Variants in TFB1M observed in about 807,000 individuals in gnomAD.
TFB1M encodes transcription factor B1, mitochondrial.
TFB1M carries 27 observed loss-of-function variants against 31.1 expected under a neutral mutation model. That is an observed-to-expected ratio of 0.87 (90% CI 0.64 to 1.20). TFB1M has a LOEUF of 1.20. TFB1M is among the 50% of genes most tolerant of loss of function. TFB1M has a pLI of 0.00. For missense variants in TFB1M, 394 were observed against 418.7 expected (o/e 0.94, Z 0.51); for synonymous variants, 166 against 151.8 (o/e 1.09, Z -0.69).
intron 5 of TFB1M, chr6:155,260,620 T>A (rs1784352564): frequency 3.2e-6 from 2 of 619,316 alleles, no homozygotes; most frequent in African/African-American, 1.8e-5. Flanking sequence ...TGTTCTCTAA[T>A]GACATCCACC....
In TFB1M at chr6:155,305,700, A is replaced by ATTAAATTATATATTTAT. The variant is rs1562426127; in HGVS notation, c.285+5487_285+5488insATAAATATATAATTTAA. Among the ~76,000 whole-genome samples the ATTAAATTATATATTTAT allele has an allele frequency of 1.5e-4, 7 of 47,080 alleles. 1 individual carries two copies. The highest frequency in any genetic ancestry group is 6.3e-4 in the African/African-American group (7 of 11,182). 30.9% of individuals were successfully genotyped at this position (47,080 alleles called of 152,430 possible). A position where few individuals can be genotyped will look rare whatever the true frequency, so the allele number is the denominator to read the frequency against. ...ATATTAAATTATATATTTATATATA[A>ATTAAATTATATATTTAT]ATATATATTAAATTATATATTTATA... On this transcript the variant is annotated intron_variant, in intron 2 of 6. Transcript: ENST00000367166.
chr6:155,293,116 G>A (rs537031713), intron 4 of TFB1M, among the ~76,000 whole-genome samples: 107 of 152,130 alleles, frequency 7.0e-4, no homozygotes, highest in African/African-American at 2.5e-3. Flanking sequence ...GAGATTACAG[G>A]TGTGAGCCAG....
chr6:155,258,086 AG>A lies in TFB1M; in HGVS notation c.795-5del. 2 of 1,614,156 alleles carry A rather than the reference AG, an allele frequency of 1.2e-6. No homozygotes were observed. The highest frequency in any genetic ancestry group is 1.7e-6 in the Non-Finnish European group (2 of 1,180,022). ...CTGCGCTTCAGGGAATAACATTCTG[AG>A]GGGAAGACAGACAGACAGAAAAATA... On this transcript the variant is annotated splice_region_variant and splice_polypyrimidine_tract_variant and intron_variant, in intron 6 of 6. Transcript: ENST00000367166.
At chr6:155,250,128 T>C in the TFB1M span, among the ~76,000 whole-genome samples, 2 of 152,172 alleles carry the variant, frequency 1.3e-5, no homozygotes, top group African/African-American at 4.8e-5. Flanking sequence ...AATTTACATA[T>C]AGACATATCA....
chr6:155,241,181 G>A, the TFB1M span, among the ~76,000 whole-genome samples: 3 of 152,224 alleles, frequency 2.0e-5, no homozygotes, highest in Admixed American at 1.3e-4. Context: ...TGGTCAGCAC[G>A]TGGGAATATC....
chr6:155,256,442 C>A lies in TFB1M; in HGVS notation c.*1394G>T. 6.2e-7 allele frequency: 1 copy of A among 1,613,198 alleles called. No homozygotes were observed. Among genetic ancestry groups the A allele is most frequent in the East Asian group, 2.2e-5 (1 of 44,886 alleles). ...GAGGCAAACATTACACATTGTGTAACCTGTTTCTGTATCACAGCGAAATGT... is the reference window on the plus strand; with the variant it reads ...GAGGCAAACATTACACATTGTGTAAACTGTTTCTGTATCACAGCGAAATGT... On this transcript the variant is annotated 3_prime_UTR_variant, in exon 7 of 7. Transcript: ENST00000367166.
chr6:155,239,989 CTG>C, the TFB1M span, among the ~76,000 whole-genome samples: 1 of 152,226 alleles, frequency 6.6e-6, no homozygotes. Flanking sequence ...TGCCACAAGA[CTG>C]TGGAGCTGAG....
chr6:155,260,140 C>T (rs1040280551), intron 6 of TFB1M, 133 bp downstream of exon 6: 35 of 1,068,938 alleles, frequency 3.3e-5, no homozygotes, highest in Non-Finnish European at 4.7e-5. Context: ...GCAGTGAAGT[C>T]TTGTCCGTCA....
At chr6:155,286,537 A>G (rs1029823057) in intron 4 of TFB1M, among the ~76,000 whole-genome samples, 4 of 142,350 alleles carry the variant, frequency 2.8e-5, no homozygotes, top group Non-Finnish European at 6.0e-5. Context: ...ATATATATAC[A>G]TGTGTATATA....
chr6:155,289,539 T>C (rs1776809026), intron 4 of TFB1M, among the ~76,000 whole-genome samples: 1 of 152,216 alleles, frequency 6.6e-6, no homozygotes. Flanking sequence ...TTAATGCATA[T>C]GAGCTGAATT....
chr6:155,286,588 T>C (rs1183350778), intron 4 of TFB1M, among the ~76,000 whole-genome samples: 2 of 146,038 alleles, frequency 1.4e-5, no homozygotes, highest in African/African-American at 2.5e-5. Context: ...TGTATATGTA[T>C]ATGTGTGTAT....
At chr6:155,283,078 T>C (rs2114733410) in intron 5 of TFB1M, among the ~76,000 whole-genome samples, 1 of 152,294 alleles carries the variant, frequency 6.6e-6, no homozygotes, top group African/African-American at 2.4e-5. Context: ...CAGCAAAATA[T>C]TTTCTGGCTT....
the TFB1M span, chr6:155,243,933 C>T: frequency 6.3e-6 from 7 of 1,108,374 alleles, no homozygotes; most frequent in South Asian, 1.3e-5. Context: ...GGAGCTGCTG[C>T]CAGGTTGCTG....
intron 4 of TFB1M, among the ~76,000 whole-genome samples, chr6:155,285,954 A>T (rs996223511): frequency 6.6e-6 from 1 of 152,148 alleles, no homozygotes; most frequent in Admixed American, 6.5e-5. Flanking sequence ...AATTCCATGT[A>T]AAATTTATAT....
chr6:155,302,836 A>C lies in TFB1M; in HGVS notation c.286-4251T>G, dbSNP rs371302082. Among the ~76,000 whole-genome samples, 63 of 152,294 alleles carry C rather than the reference A, an allele frequency of 4.1e-4. 1 individual carries two copies. The South Asian group carries it at 0.011, about 28-fold the overall frequency. On this transcript the variant is annotated intron_variant, in intron 2 of 6. Transcript: ENST00000367166. ...GTAATTTATAAAGGAGAGATGTTTA[A>C]TTGACTCACAGTTCAGCATGGCTGG...
chr6:155,305,490 T>A (rs1377578572), intron 2 of TFB1M, among the ~76,000 whole-genome samples: 1 of 29,910 alleles, frequency 3.3e-5, no homozygotes, highest in Admixed American at 6.4e-4. Flanking sequence ...ATTATATATA[T>A]AAATATATAT....
rs773446753 is a variant in TFB1M, at chr6:155,311,229, G to C, written c.244C>G (p.Leu82Val). 9.9e-6 allele frequency: 16 copies of C among 1,614,032 alleles called. No homozygotes were observed. The Admixed American group carries it at 2.3e-4, about 24-fold the overall frequency. Residue 82 changes from leucine to valine, a missense_variant, in exon 2 of 7, where the codon CTG (leucine) becomes GTG (valine). Coordinates refer to ENST00000367166, the MANE Select transcript of TFB1M (RefSeq NM_016020.4). The part of the protein sequence containing the change: ...SILNADVAEL[L>V]VVEKDTRFIP... ...AATCGAGTGTCCTTTTCAACCACCA[G>C]AAGTTCAGCGACGTCGGCATTAAGA...
downstream of TFB1M, chr6:155,253,578 G>A (rs68042505): frequency 0.082 from 14,281 of 175,164 alleles, 697 homozygotes; most frequent in Non-Finnish European, 0.098. Context: ...TGTCAGAAGT[G>A]CTTATGTTTT....
Position 155,256,308 on chromosome 6 carries a change from A to C in TFB1M, c.*1528T>G. 1.1e-6 allele frequency: 1 copy of C among 930,914 alleles called. No homozygotes were observed. The highest frequency in any genetic ancestry group is 2.6e-5 in the East Asian group (1 of 38,048). The allele number at this position is 930,914 out of a possible 1,614,324, so 57.7% of individuals were successfully genotyped here. A position where few individuals can be genotyped will look rare whatever the true frequency, so the allele number is the denominator to read the frequency against. Reference sequence around the variant, plus strand: ...AACTTACAACTGTAAACCTAAGTCAAAAATGTCCATGTTTTCAGTAGCTAC... The same window carrying C: ...AACTTACAACTGTAAACCTAAGTCACAAATGTCCATGTTTTCAGTAGCTAC... On this transcript the variant is annotated 3_prime_UTR_variant, in exon 7 of 7. Transcript: ENST00000367166.
Sources: gnomAD v4.1 joint callset for allele counts (sites outside exome capture counted in the v4.1 genomes callset) on GRCh38, gnomAD v4.1.1 for gene constraint, MANE v1.5 for transcripts, NCBI Gene and HGNC (gene_info 2026-07-23, HGNC 2026-07-21) for gene names.